KIF15: variants seen among roughly 807,000 people sequenced by gnomAD.
KIF15 encodes the protein kinesin family member 15.
A neutral mutation model predicts 190.6 loss-of-function variants in KIF15; 140 were observed. The observed-to-expected ratio is 0.73, with a 90% confidence interval of 0.64 to 0.84. The LOEUF (loss-of-function observed/expected upper bound fraction) is 0.84. Ranked by LOEUF, KIF15 falls within the 40% of genes least tolerant of loss-of-function variation. The pLI, the probability that KIF15 is intolerant of heterozygous loss-of-function variation, is 0.00. For synonymous variants in KIF15, 528 were observed against 551.3 expected (o/e 0.96, Z 0.59); for missense variants, 1,372 against 1,584.4 (o/e 0.87, Z 2.28).
intron 26 of KIF15, among the ~76,000 whole-genome samples, chr3:44,833,334 T>C (rs1698160961): frequency 6.6e-6 from 1 of 152,098 alleles, no homozygotes; most frequent in South Asian, 2.1e-4. Flanking sequence ...TACTGTGTAC[T>C]TTATTTCTAT....
intron 20 of KIF15, among the ~76,000 whole-genome samples, chr3:44,823,725 G>A (rs377238864): frequency 6.6e-6 from 1 of 152,198 alleles, no homozygotes; most frequent in East Asian, 1.9e-4. Flanking sequence ...AATGGCGGAT[G>A]GCCCTCCCCC....
chr3:44,806,394 A>G (rs116263523), intron 16 of KIF15, among the ~76,000 whole-genome samples: 1,640 of 152,272 alleles, frequency 0.011, 24 homozygotes, highest in African/African-American at 0.036. Context: ...ATGTCCTCAA[A>G]GTTTTCAGTA....
chr3:44,821,024 G>C (rs1408144174), intron 20 of KIF15, among the ~76,000 whole-genome samples: 5 of 3,400 alleles, frequency 1.5e-3, no homozygotes, highest in African/African-American at 4.0e-3. Flanking sequence ...TGGCCGGGCG[G>C]GGGGGCTGAC....
chr3:44,771,548 C>T (rs548475024), intron 1 of KIF15, among the ~76,000 whole-genome samples: 1 of 152,266 alleles, frequency 6.6e-6, no homozygotes, highest in South Asian at 2.1e-4. Context: ...AATTTTGAAA[C>T]TGAAGTTTGA....
At chr3:44,776,562 C>T (rs1267545751) in intron 3 of KIF15, among the ~76,000 whole-genome samples, 4 of 152,104 alleles carry the variant, frequency 2.6e-5, no homozygotes, top group African/African-American at 7.2e-5. Context: ...GTGGCTCATG[C>T]ATCTGAGGCA....
rs556257167 is a variant in KIF15, at chr3:44,769,010, T to C, written c.20-5385T>C. Among the ~76,000 whole-genome samples the C allele has an allele frequency of 1.7e-3, 258 of 152,234 alleles. 1 individual carries two copies. Among genetic ancestry groups the C allele is most frequent in the Admixed American group, 3.4e-3 (52 of 15,276 alleles). ...GGCCAAAAGCCTGATTGTTAAAAGTTAAAAAAAATTTTTACCCTTTTGCTG... is the reference window on the plus strand; with the variant it reads ...GGCCAAAAGCCTGATTGTTAAAAGTCAAAAAAAATTTTTACCCTTTTGCTG... On this transcript the variant is annotated intron_variant, in intron 1 of 34. Transcript: ENST00000326047.
intron 6 of KIF15, among the ~76,000 whole-genome samples, chr3:44,868,619 C>T (rs550917328): frequency 3.9e-5 from 6 of 152,262 alleles, no homozygotes; most frequent in Admixed American, 1.3e-4. Flanking sequence ...CCTGAATTTG[C>T]CAGCACATTG....
chr3:44,841,500 G>T (rs558698449), intron 29 of KIF15, among the ~76,000 whole-genome samples: 18 of 151,452 alleles, frequency 1.2e-4, no homozygotes, highest in African/African-American at 4.4e-4. Flanking sequence ...CAGGTTCACA[G>T]CGTTCTCCTG....
intron 6 of KIF15, chr3:44,862,369 C>A (rs192333724): frequency 3.0e-4 from 47 of 157,140 alleles, no homozygotes; most frequent in South Asian, 6.1e-4. Flanking sequence ...TGGTAAGAGA[C>A]GTCGGGGACT....
intron 26 of KIF15, among the ~76,000 whole-genome samples, chr3:44,836,227 A>T (rs1457860073): frequency 6.6e-6 from 1 of 152,030 alleles, no homozygotes; most frequent in Admixed American, 6.6e-5. Context: ...GTGGTGGTGT[A>T]CACCTGTAAT....
At chr3:44,863,863 C>T (rs770189673) in intron 6 of KIF15, 40 of 302,760 alleles carry the variant, frequency 1.3e-4, no homozygotes, top group Non-Finnish European at 2.4e-4. Flanking sequence ...TGGGACTGAT[C>T]TTCAAGCACT....
At chr3:44,866,405 T>C (rs561559346) in intron 6 of KIF15, among the ~76,000 whole-genome samples, 1 of 152,268 alleles carries the variant, frequency 6.6e-6, no homozygotes, top group South Asian at 2.1e-4. Flanking sequence ...ACCATGTGAA[T>C]GTAATTCCTA....
Position 44,778,224 on chromosome 3 carries a change from C to G in KIF15, c.323+33C>G, listed in dbSNP as rs757068647. 2.0e-6 allele frequency: 3 copies of G among 1,471,288 alleles called. No homozygotes were observed. The Admixed American group carries it at 5.0e-5, about 25-fold the overall frequency. The allele number at this position is 1,471,288 out of a possible 1,614,324, so 91.1% of individuals were successfully genotyped here. On this transcript the variant is annotated intron_variant, in intron 4 of 34. Coordinates refer to ENST00000326047, the MANE Select transcript of KIF15 (RefSeq NM_020242.3). ...GTTGACTGTGTCCTTATACATAGTACATGCTTGAATTATTTTCCTGTTGCT... is the reference window on the plus strand; with the variant it reads ...GTTGACTGTGTCCTTATACATAGTAGATGCTTGAATTATTTTCCTGTTGCT...
intron 6 of KIF15, among the ~76,000 whole-genome samples, chr3:44,785,160 T>A (rs1186960523): frequency 6.6e-6 from 1 of 152,222 alleles, no homozygotes; most frequent in Non-Finnish European, 1.5e-5. Context: ...AAACATGCAT[T>A]ATCCTTTATC....
Position 44,826,257 on chromosome 3 carries a change from C to T in KIF15, c.2700+68C>T, listed in dbSNP as rs1391136429. 7.7e-6 allele frequency: 12 copies of T among 1,557,980 alleles called. No homozygotes were observed. In the Admixed American group the frequency reaches 9.8e-5, roughly 13 times the overall value. ...CTTTTGAGTGTAGGACAAGGACTGT[C>T]CTTTCCTCCTTCTTTGCTATACTTG... On this transcript the variant is annotated intron_variant, in intron 21 of 34. Coordinates refer to ENST00000326047, the MANE Select transcript of KIF15 (RefSeq NM_020242.3).
At chr3:44,858,500 G>T (rs1468057051) in intron 6 of KIF15, among the ~76,000 whole-genome samples, 6 of 152,032 alleles carry the variant, frequency 3.9e-5, no homozygotes, top group Non-Finnish European at 8.8e-5. Context: ...GGGAGGGAGT[G>T]GAGGTGTCCC....
intron 6 of KIF15, among the ~76,000 whole-genome samples, chr3:44,786,128 A>G (rs1575591599): frequency 4.6e-5 from 7 of 152,290 alleles, no homozygotes; most frequent in Admixed American, 6.5e-5. Flanking sequence ...AGGCAGAAGA[A>G]TGGCGTGAAC....
At chr3:44,776,958 A>C (rs1051066702) in intron 3 of KIF15, among the ~76,000 whole-genome samples, 1 of 150,090 alleles carries the variant, frequency 6.7e-6, no homozygotes, top group Non-Finnish European at 1.5e-5. Flanking sequence ...ATAGCTACAT[A>C]TAACTGATGG....
chr3:44,807,917 ATTTAT>A (rs1217091462), intron 16 of KIF15, among the ~76,000 whole-genome samples: 1 of 151,778 alleles, frequency 6.6e-6, no homozygotes, highest in African/African-American at 2.4e-5. Flanking sequence ...TTAAATTTTG[ATTTAT>A]TTTATTTATT....
Sources: allele counts gnomAD v4.1 joint callset (sites outside exome capture counted in the v4.1 genomes callset), GRCh38; gene constraint gnomAD v4.1.1; transcripts MANE v1.5; gene names NCBI Gene and HGNC (gene_info 2026-07-23, HGNC 2026-07-21).